The following SLC37A1 variants were observed in gnomAD, a reference collection of about 807,000 sequenced individuals.
The protein encoded by SLC37A1 is solute carrier family 37 member 1.
In SLC37A1, 49 loss-of-function variants were observed where a neutral mutation model predicts 75.3. That is an observed-to-expected ratio of 0.65 (90% CI 0.52 to 0.83). SLC37A1 has a LOEUF of 0.83. SLC37A1 is among the 40% of genes least tolerant of loss of function. SLC37A1 has a pLI of 0.00. For missense variants in SLC37A1, 566 were observed against 695.0 expected (o/e 0.81, Z 2.09); for synonymous variants, 268 against 292.1 (o/e 0.92, Z 0.84).
At chr21:42,519,964 T>TGTGTGTGTGTGTGTGTG (rs1555879905) in intron 2 of SLC37A1, among the ~76,000 whole-genome samples, 1 of 148,560 alleles carries the variant, frequency 6.7e-6, no homozygotes, top group South Asian at 2.1e-4. Flanking sequence ...CACAGTGTGT[T>TGTGTGTGTGTGTGTGTG]TGTGTGTGTG....
chr21:42,580,919 A>C lies in SLC37A1; in HGVS notation c.*559A>C. 6.2e-6 allele frequency: 1 copy of C among 161,236 alleles called. No individual in the cohort carries two copies. 10.0% of individuals were successfully genotyped at this position (161,236 alleles called of 1,614,324 possible). Reference sequence around the variant, plus strand: ...CCAAGACGGAGCTCAGACCCACCACATCGCCCCAGAGGCTTTTCCAGCACC... The same window carrying C: ...CCAAGACGGAGCTCAGACCCACCACCTCGCCCCAGAGGCTTTTCCAGCACC... On this transcript the variant is annotated 3_prime_UTR_variant, in exon 20 of 20. Coordinates refer to ENST00000352133, the MANE Select transcript of SLC37A1 (RefSeq NM_001320537.2).
chr21:42,507,044 A>G (rs1406518115), intron 2 of SLC37A1, among the ~76,000 whole-genome samples: 1 of 152,044 alleles, frequency 6.6e-6, no homozygotes, highest in African/African-American at 2.4e-5. Context: ...CACCACACCC[A>G]GCTAATTTTT....
chr21:42,530,425 C>T (rs1419331830), intron 3 of SLC37A1, among the ~76,000 whole-genome samples: 1 of 152,090 alleles, frequency 6.6e-6, no homozygotes, highest in African/African-American at 2.4e-5. Context: ...TGGCTGGTCG[C>T]TCCTACTTTT....
At chr21:42,536,866 T>G (rs2055152849) in intron 5 of SLC37A1, among the ~76,000 whole-genome samples, 2 of 152,240 alleles carry the variant, frequency 1.3e-5, no homozygotes, top group Non-Finnish European at 2.9e-5. Flanking sequence ...CAAAGCTCCC[T>G]GTACCTCTCA....
At chr21:42,575,219 T>C (rs939821776) in intron 18 of SLC37A1, 11 of 983,788 alleles carry the variant, frequency 1.1e-5, no homozygotes, top group Non-Finnish European at 1.3e-5. Context: ...GCAGGTTTCG[T>C]AACCTCTGCT....
At chr21:42,569,823 C>T (rs2056079849) in intron 17 of SLC37A1, among the ~76,000 whole-genome samples, 1 of 152,252 alleles carries the variant, frequency 6.6e-6, no homozygotes, top group Non-Finnish European at 1.5e-5. Context: ...ATGAGCTGCT[C>T]CCAGACAGTT....
intron 1 of SLC37A1, among the ~76,000 whole-genome samples, chr21:42,500,681 G>A (rs1316587430): frequency 1.3e-5 from 2 of 152,152 alleles, no homozygotes; most frequent in East Asian, 3.8e-4. Context: ...TCTGTCAGTT[G>A]TTTGTGACAA....
chr21:42,530,625 CA>C lies in SLC37A1; in HGVS notation c.139-4072del, dbSNP rs1568996868. On this transcript the variant is annotated intron_variant, in intron 3 of 19. Transcript: ENST00000352133. Reference sequence around the variant, plus strand: ...ACACACACACACACACACACACACACACACACACACACACACACACACACAC... The same window carrying C: ...ACACACACACACACACACACACACACCACACACACACACACACACACACAC... Among the ~76,000 whole-genome samples the C allele has an allele frequency of 5.1e-3, 545 of 106,720 alleles. 8 individuals carry two copies. The highest frequency in any genetic ancestry group is 0.016 in the African/African-American group (499 of 30,438). 70.0% of individuals were successfully genotyped at this position (106,720 alleles called of 152,430 possible). A position where few individuals can be genotyped will look rare whatever the true frequency, so the allele number is the denominator to read the frequency against.
At chr21:42,580,290 C>A (rs1248453637) in intron 19 of SLC37A1, 55 bp from the exon 20 acceptor site, 1 of 1,593,288 alleles carries the variant, frequency 6.3e-7, no homozygotes, top group Non-Finnish European at 8.6e-7. Context: ...TTCAGCATCT[C>A]TTGCTGAGCC....
intron 6 of SLC37A1, among the ~76,000 whole-genome samples, chr21:42,541,570 A>G (rs539695921): frequency 6.6e-6 from 1 of 152,360 alleles, no homozygotes; most frequent in East Asian, 1.9e-4. Flanking sequence ...AAAAGTGCAG[A>G]GATACTTTGT....
At chr21:42,520,343 T>C (rs1053140665) in intron 2 of SLC37A1, among the ~76,000 whole-genome samples, 4 of 152,210 alleles carry the variant, frequency 2.6e-5, no homozygotes, top group African/African-American at 9.6e-5. Context: ...TGACCTTGGC[T>C]TTTTTTCCTT....
At chr21:42,527,751 A>G (rs1449089518) in intron 3 of SLC37A1, among the ~76,000 whole-genome samples, 1 of 152,030 alleles carries the variant, frequency 6.6e-6, no homozygotes, top group Admixed American at 6.5e-5. Context: ...TCCCAGCATC[A>G]CCCTCAGAGC....
rs937541437 is a variant in SLC37A1 at position 42,547,259 on chromosome 21, C to A, written c.768+119C>A. 23 of 1,090,022 alleles carry A rather than the reference C, an allele frequency of 2.1e-5. No homozygotes were observed. The highest frequency in any genetic ancestry group is 2.0e-4 in the Middle Eastern group (1 of 4,950). 67.5% of individuals were successfully genotyped at this position (1,090,022 alleles called of 1,614,324 possible). A position where few individuals can be genotyped will look rare whatever the true frequency, so the allele number is the denominator to read the frequency against. ...CACACAGGGTAGACAGAAGTCCCAC[C>A]CTCAAAACATTGGCAGTTCTAGGAA... On this transcript the variant is annotated intron_variant, in intron 9 of 19. Coordinates refer to ENST00000352133, the MANE Select transcript of SLC37A1 (RefSeq NM_001320537.2). This position sits in a 1 kb window ranked among gnomAD's most constrained non-coding sequence, Gnocchi z 6.1.
Position 42,559,099 on chromosome 21 carries a change from C to T in SLC37A1, c.981+10C>T, listed in dbSNP as rs377747133. On this transcript the variant is annotated intron_variant, in intron 11 of 19. Transcript: ENST00000352133. Reference sequence around the variant, plus strand: ...GGCCTTGAAAATTCCAGTAAGTAAACGTGCCCAGGAGGAGTTTCAGAAAGG... The same window carrying T: ...GGCCTTGAAAATTCCAGTAAGTAAATGTGCCCAGGAGGAGTTTCAGAAAGG... The T allele has an allele frequency of 8.7e-6, 14 of 1,609,206 alleles. No individual in the cohort carries two copies. Among genetic ancestry groups the T allele is most frequent in the Admixed American group, 5.1e-5 (3 of 59,096 alleles).
intron 1 of SLC37A1, among the ~76,000 whole-genome samples, chr21:42,500,584 G>A (rs2054332587): frequency 6.6e-6 from 1 of 152,158 alleles, no homozygotes; most frequent in Non-Finnish European, 1.5e-5. Context: ...CTATCAGTAT[G>A]TTTGGGGGGG....
chr21:42,568,731 C>T (rs923844792), intron 17 of SLC37A1, among the ~76,000 whole-genome samples: 7 of 152,234 alleles, frequency 4.6e-5, no homozygotes, highest in African/African-American at 1.7e-4. Flanking sequence ...CATTATTTAT[C>T]GCCTTCATCT....
chr21:42,539,083 C>G (rs1185123238), intron 5 of SLC37A1, among the ~76,000 whole-genome samples: 2 of 152,150 alleles, frequency 1.3e-5, no homozygotes, highest in Admixed American at 1.3e-4. Flanking sequence ...CTCGTGGGGC[C>G]GAATGACTTG....
intron 3 of SLC37A1, among the ~76,000 whole-genome samples, chr21:42,529,509 A>C (rs1376663167): frequency 6.6e-6 from 1 of 152,164 alleles, no homozygotes; most frequent in African/African-American, 2.4e-5. Flanking sequence ...AGCCGAGACC[A>C]CACCACCGCA....
chr21:42,553,780 T>C (rs2055614133), intron 9 of SLC37A1, among the ~76,000 whole-genome samples: 1 of 151,908 alleles, frequency 6.6e-6, no homozygotes, highest in East Asian at 1.9e-4. Flanking sequence ...ATTGAAACAA[T>C]CTCACGGCCA....
Sources: allele counts gnomAD v4.1 joint callset (sites outside exome capture counted in the v4.1 genomes callset), GRCh38; gene constraint gnomAD v4.1.1; non-coding constraint Gnocchi (gnomAD v3.1); transcripts MANE v1.5; gene names NCBI Gene and HGNC (gene_info 2026-07-23, HGNC 2026-07-21).